PRKN: variants seen among roughly 807,000 people sequenced by gnomAD.
PRKN encodes parkin RBR E3 ubiquitin protein ligase, also known as E3 ubiquitin-protein ligase parkin.
A neutral mutation model predicts 59.5 loss-of-function variants in PRKN; 56 were observed. That is an observed-to-expected ratio of 0.94 (90% CI 0.76 to 1.18). The LOEUF is 1.18. Ranked by LOEUF, PRKN falls within the 50% of genes most tolerant of loss-of-function variation. The pLI, the probability that PRKN is intolerant of heterozygous loss-of-function variation, is 0.00. For missense variants in PRKN, 657 were observed against 596.4 expected (o/e 1.10, Z -1.06); for synonymous variants, 250 against 222.1 (o/e 1.13, Z -1.12).
chr6:161,889,307 T>C (rs1371413594), intron 6 of PRKN, among the ~76,000 whole-genome samples: 1 of 152,120 alleles, frequency 6.6e-6, no homozygotes, highest in East Asian at 1.9e-4. Context: ...ACACTGTATA[T>C]GAATGTACAC....
chr6:162,462,999 C>T (rs146528331), intron 1 of PRKN, among the ~76,000 whole-genome samples: 3 of 151,674 alleles, frequency 2.0e-5, no homozygotes, highest in East Asian at 2.0e-4. Flanking sequence ...GAGGCTGAGG[C>T]GGGAGGTTGC....
Position 161,401,263 on chromosome 6 carries a change from A to G in PRKN, c.1084-14386T>C, listed in dbSNP as rs112080527. 2.3e-3 allele frequency among the ~76,000 whole-genome samples: 347 copies of G among 152,208 alleles called. 4 individuals carry two copies. The highest frequency in any genetic ancestry group is 7.7e-3 in the African/African-American group (318 of 41,520). The stretch of plus-strand genomic sequence containing the variant: ...AGTCACGTCCTGGGGAATTGAGGAG[A>G]AGATCCACCCTACCAAAGGCCAGTC... On this transcript the variant is annotated intron_variant, in intron 9 of 11. Transcript: ENST00000366898. This position sits in a 1 kb window ranked among gnomAD's most constrained non-coding sequence, Gnocchi z 4.4.
At chr6:161,990,633 A>G (rs1036918908) in intron 5 of PRKN, among the ~76,000 whole-genome samples, 1 of 152,202 alleles carries the variant, frequency 6.6e-6, no homozygotes. Flanking sequence ...GAGGGCTTCA[A>G]AAAAAGATGA....
intron 2 of PRKN, among the ~76,000 whole-genome samples, chr6:162,363,412 C>A (rs1474325184): frequency 1.3e-5 from 2 of 152,096 alleles, no homozygotes; most frequent in African/African-American, 4.8e-5. Flanking sequence ...CATATGCCAT[C>A]GAGGTACCTG....
At chr6:161,889,464 A>G (rs9355950) in intron 6 of PRKN, among the ~76,000 whole-genome samples, 44,247 of 152,100 alleles carry the variant, frequency 0.29, 6,726 homozygotes, top group East Asian at 0.44. Context: ...TCTCAAAGGC[A>G]TTGCCCTGAA....
At chr6:162,185,900 T>C (rs1169477716) in intron 4 of PRKN, among the ~76,000 whole-genome samples, 1 of 152,064 alleles carries the variant, frequency 6.6e-6, no homozygotes, top group East Asian at 1.9e-4. Context: ...AAAATAATGA[T>C]GTACCAACTA....
intron 9 of PRKN, among the ~76,000 whole-genome samples, chr6:161,455,358 C>A (rs1789919700): frequency 6.6e-6 from 1 of 152,102 alleles, no homozygotes; most frequent in Non-Finnish European, 1.5e-5. Flanking sequence ...GTTCTAAACA[C>A]CCAGCACAAT....
rs1779115984 is a variant in PRKN at position 161,529,257 on chromosome 6, G to C, written c.1083+19597C>G. Reference sequence around the variant, plus strand: ...GAAGTGGATGCCTTAGGGAAGGTGAGAAGACAATGATGGGGATGATGTTGA... The same window carrying C: ...GAAGTGGATGCCTTAGGGAAGGTGACAAGACAATGATGGGGATGATGTTGA... On this transcript the variant is annotated intron_variant, in intron 9 of 11. Transcript: ENST00000366898. This position sits in a 1 kb window ranked among gnomAD's most constrained non-coding sequence, Gnocchi z 4.4. 6.6e-6 allele frequency among the ~76,000 whole-genome samples: 1 copy of C among 152,142 alleles called. No individual in the cohort carries two copies. The highest frequency in any genetic ancestry group is 6.5e-5 in the Admixed American group (1 of 15,276).
intron 2 of PRKN, among the ~76,000 whole-genome samples, chr6:162,350,947 T>C (rs1784597937): frequency 6.6e-6 from 1 of 152,126 alleles, no homozygotes; most frequent in Non-Finnish European, 1.5e-5. Flanking sequence ...ATGTCTGTAA[T>C]GTAGCACATG....
At chr6:162,663,922 C>CT (rs1435491275) in intron 1 of PRKN, among the ~76,000 whole-genome samples, 2 of 150,140 alleles carry the variant, frequency 1.3e-5, no homozygotes, top group Non-Finnish European at 3.0e-5. Context: ...TTTATTTCCT[C>CT]TAAAAAAAAA....
intron 7 of PRKN, among the ~76,000 whole-genome samples, chr6:161,625,741 T>C (rs1473632439): frequency 6.6e-6 from 1 of 152,120 alleles, no homozygotes; most frequent in Non-Finnish European, 1.5e-5. Context: ...GTGCACAAAT[T>C]GCCAGCTCAG....
At chr6:162,290,174 G>A (rs143106445) in intron 2 of PRKN, among the ~76,000 whole-genome samples, 1 of 152,136 alleles carries the variant, frequency 6.6e-6, no homozygotes, top group African/African-American at 2.4e-5. Flanking sequence ...GCAATAGGCT[G>A]ACTGTCATTC....
intron 2 of PRKN, among the ~76,000 whole-genome samples, chr6:162,283,032 GCTTTA>G (rs1219422815): frequency 6.7e-6 from 1 of 149,500 alleles, no homozygotes; most frequent in Non-Finnish European, 1.5e-5. Context: ...GACAGTAAAT[GCTTTA>G]CTTAGAATAG....
chr6:161,757,850 T>C (rs953486836), intron 7 of PRKN, among the ~76,000 whole-genome samples: 1 of 91,918 alleles, frequency 1.1e-5, no homozygotes, highest in African/African-American at 5.2e-5. Context: ...TCTCTCTCTC[T>C]CTCTCTCTCT....
chr6:161,383,672 C>A (rs1252851122), intron 10 of PRKN, among the ~76,000 whole-genome samples: 1 of 152,218 alleles, frequency 6.6e-6, no homozygotes, highest in Admixed American at 6.5e-5. Context: ...CCTCCCCCTG[C>A]CTTTACAGGC....
In PRKN at chr6:161,956,377, C is replaced by T. The variant is rs180863307; in HGVS notation, c.734+16925G>A. Among the ~76,000 whole-genome samples, 147 of 152,236 alleles carry T rather than the reference C, an allele frequency of 9.7e-4. 1 individual carries two copies. The highest frequency in any genetic ancestry group is 2.0e-3 in the Admixed American group (31 of 15,288). On this transcript the variant is annotated intron_variant, in intron 6 of 11. Coordinates refer to ENST00000366898, the MANE Select transcript of PRKN (RefSeq NM_004562.3). ...ACAAATGGAAATGAAGACTGGAAAA[C>T]AAGAAAATCAGATATGGTGAGAAAC...
chr6:161,796,919 A>T (rs1322739953), intron 6 of PRKN, among the ~76,000 whole-genome samples: 2 of 152,234 alleles, frequency 1.3e-5, no homozygotes, highest in South Asian at 4.1e-4. Context: ...TAATGCCCAG[A>T]TCCACTGCAA....
chr6:161,785,786 G>T lies in PRKN; in HGVS notation c.857C>A (p.Ser286Tyr), dbSNP rs768102678. 1 of 1,613,932 alleles carries T rather than the reference G, an allele frequency of 6.2e-7. No individual in the cohort carries two copies. The highest frequency in any genetic ancestry group is 2.2e-5 in the East Asian group (1 of 44,886). The change falls in exon 7 of 12, where the codon TCC becomes TAC. Residue 286 changes from serine (S) to tyrosine (Y), a missense_variant. Transcript: ENST00000366898. ...GCTAGACTTACCCACACAAGGCAGGGAGTAGCCAAGTTGAGGGTCGTGAAC... is the reference window on the plus strand; with the variant it reads ...GCTAGACTTACCCACACAAGGCAGGTAGTAGCCAAGTTGAGGGTCGTGAAC... ...QFVHDPQLGY[S>Y]LPCVAGCPNS...
At chr6:161,671,823 C>T (rs1471817263) in intron 7 of PRKN, among the ~76,000 whole-genome samples, 1 of 152,192 alleles carries the variant, frequency 6.6e-6, no homozygotes, top group African/African-American at 2.4e-5. Context: ...TGTTATTACC[C>T]AGTCCCTTGG....
Sources: allele counts gnomAD v4.1 joint callset (sites outside exome capture counted in the v4.1 genomes callset), GRCh38; gene constraint gnomAD v4.1.1; non-coding constraint Gnocchi (gnomAD v3.1); transcripts MANE v1.5; gene names NCBI Gene and HGNC (gene_info 2026-07-23, HGNC 2026-07-21).